The following KDM2B variants were observed in gnomAD, a reference collection of about 807,000 sequenced individuals.
KDM2B encodes lysine-specific demethylase 2B.
A neutral mutation model predicts 150.0 loss-of-function variants in KDM2B; 26 were observed. The ratio of observed to expected loss-of-function variants is 0.17; its 90% CI spans 0.13 to 0.24. The LOEUF is 0.24. KDM2B is among the 10% of genes least tolerant of loss of function. The probability of loss-of-function intolerance (pLI) is 1.00; values close to 1 mark genes in which losing one functional copy is unlikely to be tolerated. For synonymous variants in KDM2B, 734 were observed against 729.5 expected, an observed-to-expected ratio of 1.01 and a Z score of -0.10; for missense variants, 1,265 against 1,816.9, an observed-to-expected ratio of 0.70 and a Z score of 5.52.
At chr12:121,546,414 G>A (rs1359165239) in intron 6 of KDM2B, among the ~76,000 whole-genome samples, 4 of 109,988 alleles carry the variant, frequency 3.6e-5, no homozygotes, top group African/African-American at 1.5e-4. Context: ...ACGGAGTCTC[G>A]CTCTGTCACC....
chr12:121,418,037 AC>A, the KDM2B span: 1 of 991,354 alleles, frequency 1.0e-6, no homozygotes, highest in Non-Finnish European at 1.5e-6. Context: ...AAGCTTCCAC[AC>A]CCAGCTGAAC....
intron 6 of KDM2B, among the ~76,000 whole-genome samples, chr12:121,542,460 C>T (rs1555309915): frequency 2.6e-5 from 4 of 152,242 alleles, no homozygotes; most frequent in Admixed American, 6.5e-5. Context: ...CTAACACAAG[C>T]TTATAAGAGA....
the KDM2B span, among the ~76,000 whole-genome samples, chr12:121,417,151 TTCATGTAG>T: frequency 6.6e-6 from 1 of 152,248 alleles, no homozygotes; most frequent in Non-Finnish European, 1.5e-5. This position sits in a 1 kb window ranked among gnomAD's most constrained non-coding sequence, Gnocchi z 5.0. Context: ...GAGGAAATTG[TTCATGTAG>T]GAAAAGACCA....
At chr12:121,413,338 C>T in the KDM2B span, among the ~76,000 whole-genome samples, 1 of 151,848 alleles carries the variant, frequency 6.6e-6, no homozygotes, top group Non-Finnish European at 1.5e-5. Flanking sequence ...GATTTTCATG[C>T]TTTTAAGCAC....
chr12:121,512,745 T>C (rs1885699371), intron 10 of KDM2B, among the ~76,000 whole-genome samples: 1 of 152,124 alleles, frequency 6.6e-6, no homozygotes, highest in African/African-American at 2.4e-5. Flanking sequence ...CTTTAAGTAC[T>C]GGCAGCAGGG....
At chr12:121,413,664 G>A in the KDM2B span, among the ~76,000 whole-genome samples, 4 of 144,348 alleles carry the variant, frequency 2.8e-5, no homozygotes, top group African/African-American at 7.9e-5. Flanking sequence ...TGCAAGCTCC[G>A]CCTCCCGGGT....
chr12:121,539,505 G>A (rs543455129), intron 6 of KDM2B, among the ~76,000 whole-genome samples: 4 of 152,098 alleles, frequency 2.6e-5, no homozygotes, highest in South Asian at 2.1e-4. Context: ...CTGTGTAACC[G>A]TAGCACCCTG....
chr12:121,574,038 G>A (rs782481960), intron 4 of KDM2B, among the ~76,000 whole-genome samples: 39 of 152,140 alleles, frequency 2.6e-4, no homozygotes, highest in African/African-American at 2.4e-4. Context: ...GATCTGAAAT[G>A]CCACCTACTA....
intron 8 of KDM2B, among the ~76,000 whole-genome samples, chr12:121,526,465 A>T (rs1476479947): frequency 6.6e-6 from 1 of 152,172 alleles, no homozygotes; most frequent in Admixed American, 6.5e-5. Context: ...CTGGAGTTCA[A>T]AGTAGGTATA....
chr12:121,545,085 C>T (rs1888920477), intron 6 of KDM2B, among the ~76,000 whole-genome samples: 1 of 152,160 alleles, frequency 6.6e-6, no homozygotes, highest in Non-Finnish European at 1.5e-5. Flanking sequence ...AGCATGAAAG[C>T]TCCATGATTT....
intron 1 of KDM2B, chr12:121,579,701 C>A: frequency 7.2e-7 from 1 of 1,387,860 alleles, no homozygotes; most frequent in Non-Finnish European, 9.5e-7. Flanking sequence ...CCTGCCTCCT[C>A]CCTCCACCGC....
At chr12:121,475,421 C>A (rs1298507533) in intron 12 of KDM2B, among the ~76,000 whole-genome samples, 1 of 151,496 alleles carries the variant, frequency 6.6e-6, no homozygotes, top group Non-Finnish European at 1.5e-5. Flanking sequence ...GAGACCCTGT[C>A]TTTACAAAAA....
At chr12:121,562,345 G>T (rs1325312171) in intron 4 of KDM2B, among the ~76,000 whole-genome samples, 2 of 151,882 alleles carry the variant, frequency 1.3e-5, no homozygotes, top group African/African-American at 4.8e-5. Context: ...TTAGCCGGGC[G>T]TGGTGGTATG....
chr12:121,532,927 A>G lies in KDM2B; in HGVS notation c.810T>C (p.Asn270=), dbSNP rs1555308080. 1.2e-6 allele frequency: 2 copies of G among 1,614,194 alleles called. No homozygotes were observed. Among genetic ancestry groups the G allele is most frequent in the African/African-American group, 2.7e-5 (2 of 75,058 alleles). Residue 270 remains asparagine (N), a synonymous_variant, in exon 8 of 23, where the codon AAT becomes AAC. Coordinates refer to ENST00000377071, the MANE Select transcript of KDM2B (RefSeq NM_032590.5). ...IFWLIPPTLH[N]LALYEEWVLS... The stretch of plus-strand genomic sequence containing the variant: ...GCACCCACTCCTCGTACAGCGCCAA[A>G]TTGTGCAGCGTTGGAGGAATCAGCC...
chr12:121,504,618 G>A (rs182678747), intron 11 of KDM2B, among the ~76,000 whole-genome samples: 9 of 152,288 alleles, frequency 5.9e-5, no homozygotes, highest in Middle Eastern at 3.4e-3. Context: ...GCAGTGAAGA[G>A]GGTATGGGAC....
At chr12:121,553,597 G>A (rs181638861) in intron 4 of KDM2B, among the ~76,000 whole-genome samples, 12 of 152,292 alleles carry the variant, frequency 7.9e-5, no homozygotes, top group Admixed American at 5.2e-4. Flanking sequence ...GAGCTGTCCT[G>A]AGACATAACT....
At chr12:121,444,897 A>T in intron 14 of KDM2B, 1 of 428,526 alleles carries the variant, frequency 2.3e-6, no homozygotes, top group Non-Finnish European at 4.3e-6. Context: ...TCTGCAGAGG[A>T]CTCTACTGGG....
chr12:121,444,413 T>C, intron 15 of KDM2B, 37 bp downstream of exon 15: 2 of 1,612,646 alleles, frequency 1.2e-6, no homozygotes, highest in Non-Finnish European at 1.7e-6. Context: ...CCCGCCCCTC[T>C]CCCGACTGAC....
intron 4 of KDM2B, among the ~76,000 whole-genome samples, chr12:121,553,818 TG>T (rs1274165554): frequency 2.6e-5 from 4 of 151,962 alleles, no homozygotes; most frequent in African/African-American, 9.7e-5. Context: ...CAAATGGGTG[TG>T]GGGTTCTTCT....
Sources: gnomAD v4.1 joint callset for allele counts (sites outside exome capture counted in the v4.1 genomes callset) on GRCh38, gnomAD v4.1.1 for gene constraint, Gnocchi (gnomAD v3.1) non-coding constraint, MANE v1.5 for transcripts, NCBI Gene and HGNC (gene_info 2026-07-23, HGNC 2026-07-21) for gene names.